The following LCLAT1 variants were observed in gnomAD, a reference collection of about 807,000 sequenced individuals.
LCLAT1 encodes lysocardiolipin acyltransferase 1, also known as 1-AGP acyltransferase 8.
A neutral mutation model predicts 30.7 loss-of-function variants in LCLAT1; 11 were observed. The ratio of observed to expected loss-of-function variants is 0.36; its 90% CI spans 0.23 to 0.59. LCLAT1 has a LOEUF of 0.59. Among genes scored for constraint, LCLAT1 ranks in the 20% least tolerant of loss-of-function variants. The pLI is 0.77. For missense variants in LCLAT1, 402 were observed against 458.6 expected, an observed-to-expected ratio of 0.88 and a Z score of 1.13; for synonymous variants, 155 against 151.3, an observed-to-expected ratio of 1.02 and a Z score of -0.18.
intron 1 of LCLAT1, among the ~76,000 whole-genome samples, chr2:30,514,362 T>G: frequency 6.6e-6 from 1 of 152,228 alleles, no homozygotes; most frequent in East Asian, 1.9e-4. Context: ...ATAAAGGCTT[T>G]TTGAGATTAG....
chr2:30,515,946 A>C (rs917348177), intron 1 of LCLAT1, among the ~76,000 whole-genome samples: 1 of 152,088 alleles, frequency 6.6e-6, no homozygotes, highest in African/African-American at 2.4e-5. Context: ...GTATTGAGGG[A>C]TAGTAATGAG....
intron 1 of LCLAT1, among the ~76,000 whole-genome samples, chr2:30,465,848 A>G (rs1043793640): frequency 1.3e-5 from 2 of 152,210 alleles, no homozygotes; most frequent in African/African-American, 4.8e-5. Context: ...AAGTGGCATG[A>G]AAGAACAAAA....
intron 1 of LCLAT1, among the ~76,000 whole-genome samples, chr2:30,523,267 GT>G (rs11325119): frequency 0.7 from 101,602 of 145,858 alleles, 35,408 homozygotes; most frequent in South Asian, 0.79. Context: ...ATGTTCGTAG[GT>G]TTTTTTTTTT....
In LCLAT1 at chr2:30,533,252, A is replaced by G; in HGVS notation, c.302A>G (p.Tyr101Cys). ...TTCCTGTGGAATTGCCTGATGCGAT[A>G]TAGCTACCTCAGATTGGAGAAAATT... ...WMFLWNCLMR[Y>C]SYLRLEKICL... The change falls in exon 3 of 6, where the codon TAT becomes TGT. Residue 101 changes from tyrosine to cysteine, a missense_variant. Transcript: ENST00000379509. 3.7e-6 allele frequency: 6 copies of G among 1,614,126 alleles called. No homozygotes were observed. The highest frequency in any genetic ancestry group is 5.1e-6 in the Non-Finnish European group (6 of 1,179,972).
At chr2:30,596,856 C>T (rs1308105358) in intron 5 of LCLAT1, among the ~76,000 whole-genome samples, 2 of 132,970 alleles carry the variant, frequency 1.5e-5, no homozygotes, top group African/African-American at 2.9e-5. Context: ...CAGTTTTCTG[C>T]ATATGGCTAG....
chr2:30,462,085 T>C (rs1474882784), intron 1 of LCLAT1, among the ~76,000 whole-genome samples: 1 of 152,194 alleles, frequency 6.6e-6, no homozygotes, highest in Non-Finnish European at 1.5e-5. Context: ...ATTAAACTTT[T>C]ATCACATCAT....
intron 1 of LCLAT1, among the ~76,000 whole-genome samples, chr2:30,465,265 T>C (rs1179717716): frequency 6.6e-6 from 1 of 152,086 alleles, no homozygotes; most frequent in African/African-American, 2.4e-5. Context: ...GAGGAGGCAG[T>C]TGGACCAGGA....
At chr2:30,629,852 T>C (rs1215062084) in intron 5 of LCLAT1, among the ~76,000 whole-genome samples, 1 of 152,180 alleles carries the variant, frequency 6.6e-6, no homozygotes, top group Non-Finnish European at 1.5e-5. Flanking sequence ...CTATAACATG[T>C]TTTAGAAAGT....
chr2:30,464,569 T>A (rs1314670106), intron 1 of LCLAT1, among the ~76,000 whole-genome samples: 1 of 152,210 alleles, frequency 6.6e-6, no homozygotes, highest in African/African-American at 2.4e-5. Context: ...CGCTCTGTTT[T>A]TATTTGCATG....
intron 5 of LCLAT1, among the ~76,000 whole-genome samples, chr2:30,601,676 T>TATG (rs1667190361): frequency 3.1e-4 from 1 of 3,184 alleles, no homozygotes; most frequent in African/African-American, 0.017. Flanking sequence ...ATAGATGCAC[T>TATG]TTAAAACAAT....
At chr2:30,452,712 G>A (rs1431621240) in intron 1 of LCLAT1, among the ~76,000 whole-genome samples, 1 of 152,098 alleles carries the variant, frequency 6.6e-6, no homozygotes, top group East Asian at 1.9e-4. Context: ...CTCCCTGTGA[G>A]GCACTAATTG....
At chr2:30,524,680 T>C (rs1250642426) in intron 1 of LCLAT1, among the ~76,000 whole-genome samples, 1 of 152,218 alleles carries the variant, frequency 6.6e-6, no homozygotes, top group Non-Finnish European at 1.5e-5. Flanking sequence ...AGTCCCTTAA[T>C]AGCAGTTTCG....
intron 1 of LCLAT1, among the ~76,000 whole-genome samples, chr2:30,511,060 T>C (rs1013314680): frequency 6.6e-6 from 1 of 152,178 alleles, no homozygotes; most frequent in Admixed American, 6.5e-5. Flanking sequence ...TAGTCTCTAA[T>C]GTCATGTTAG....
intron 2 of LCLAT1, among the ~76,000 whole-genome samples, chr2:30,526,122 T>C (rs1454961281): frequency 6.6e-6 from 1 of 152,176 alleles, no homozygotes; most frequent in African/African-American, 2.4e-5. Context: ...CTGTGTTCCA[T>C]TGGGCTTCTT....
chr2:30,589,999 G>T (rs547851400), intron 5 of LCLAT1, among the ~76,000 whole-genome samples: 2 of 152,122 alleles, frequency 1.3e-5, no homozygotes, highest in African/African-American at 4.8e-5. Flanking sequence ...ATGGAATTTT[G>T]TTTTGAAAGA....
chr2:30,474,148 G>A (rs1256723909), intron 1 of LCLAT1, among the ~76,000 whole-genome samples: 1 of 152,196 alleles, frequency 6.6e-6, no homozygotes, highest in Admixed American at 6.5e-5. Flanking sequence ...AAATTTATAT[G>A]GAGTAAAGAA....
intron 1 of LCLAT1, among the ~76,000 whole-genome samples, chr2:30,503,914 C>G (rs1305823786): frequency 1.3e-5 from 2 of 152,192 alleles, no homozygotes; most frequent in Non-Finnish European, 2.9e-5. Flanking sequence ...TTGCTTTTCT[C>G]TGTTTTAGTT....
chr2:30,529,024 A>C (rs893700603), intron 2 of LCLAT1, among the ~76,000 whole-genome samples: 3 of 152,182 alleles, frequency 2.0e-5, no homozygotes, highest in African/African-American at 7.2e-5. Context: ...TTTAAGCAAT[A>C]ATAAAATATA....
At chr2:30,639,998 T>A in intron 5 of LCLAT1, 119 bp from the exon 6 acceptor site, 1 of 728,998 alleles carries the variant, frequency 1.4e-6, no homozygotes, top group Non-Finnish European at 2.4e-6. Flanking sequence ...CCTTGTTTGT[T>A]CATTGTGGTT....
Sources: gnomAD v4.1 joint callset for allele counts (sites outside exome capture counted in the v4.1 genomes callset) on GRCh38, gnomAD v4.1.1 for gene constraint, MANE v1.5 for transcripts, NCBI Gene and HGNC (gene_info 2026-07-23, HGNC 2026-07-21) for gene names.